TOM1L2: variants seen among roughly 807,000 people sequenced by gnomAD.
The protein encoded by TOM1L2 is target of myb1 like 2 membrane trafficking protein.
Under a neutral mutation model 67.9 loss-of-function variants are expected in TOM1L2, and 31 were observed. The ratio of observed to expected loss-of-function variants is 0.46; its 90% CI spans 0.34 to 0.62. The LOEUF is 0.62. Ranked by LOEUF, TOM1L2 falls within the 20% of genes least tolerant of loss-of-function variation. The pLI is 0.01. For missense variants in TOM1L2, 606 were observed against 663.5 expected, an observed-to-expected ratio of 0.91 and a Z score of 0.95; for synonymous variants, 256 against 254.0, an observed-to-expected ratio of 1.01 and a Z score of -0.07.
At chr17:17,903,921 G>T (rs58936409) in intron 2 of TOM1L2, among the ~76,000 whole-genome samples, 3,666 of 152,132 alleles carry the variant, frequency 0.024, 132 homozygotes, top group African/African-American at 0.073. Flanking sequence ...CTTCAGGGAG[G>T]GCACAAAGGG....
chr17:17,922,613 A>G (rs1026091627), intron 1 of TOM1L2, among the ~76,000 whole-genome samples: 13 of 152,176 alleles, frequency 8.5e-5, no homozygotes, highest in African/African-American at 2.4e-4. Flanking sequence ...GACCTAGGAC[A>G]CATTTCTCAC....
chr17:17,898,545 G>A (rs1229441662), intron 3 of TOM1L2, 51 bp downstream of exon 3: 1 of 1,597,256 alleles, frequency 6.3e-7, no homozygotes, highest in Non-Finnish European at 8.6e-7. Flanking sequence ...GCAAGGCCAG[G>A]AGCAAGGAGT....
At chr17:17,869,252 CTCTT>C (rs1208473000) in intron 8 of TOM1L2, 84 bp downstream of exon 8, 1 of 1,583,730 alleles carries the variant, frequency 6.3e-7, no homozygotes, top group Non-Finnish European at 8.5e-7. Context: ...CCCTCTCCCT[CTCTT>C]TCCTTTGTTT....
chr17:17,904,607 C>T (rs984097257), intron 2 of TOM1L2, among the ~76,000 whole-genome samples: 3 of 152,048 alleles, frequency 2.0e-5, no homozygotes, highest in South Asian at 2.1e-4. Context: ...GCAACTTGGT[C>T]GTTGTGCAGC....
chr17:17,947,224 A>C (rs2040990930), intron 1 of TOM1L2, among the ~76,000 whole-genome samples: 1 of 151,680 alleles, frequency 6.6e-6, no homozygotes. Flanking sequence ...GGGTCTCACT[A>C]TATTGCCCAT....
At chr17:17,861,686 T>C in intron 11 of TOM1L2, 135 bp from the exon 12 acceptor site, 1 of 748,100 alleles carries the variant, frequency 1.3e-6, no homozygotes, top group African/African-American at 1.7e-5. Flanking sequence ...CCTGAAACCT[T>C]GACATTGAGC....
chr17:17,960,095 T>A (rs2041623254), intron 1 of TOM1L2, among the ~76,000 whole-genome samples: 1 of 152,210 alleles, frequency 6.6e-6, no homozygotes, highest in African/African-American at 2.4e-5. Flanking sequence ...TACACTGAGT[T>A]ACAGGAGGAA....
At chr17:17,890,412 T>C (rs2038215546) in intron 4 of TOM1L2, among the ~76,000 whole-genome samples, 1 of 152,222 alleles carries the variant, frequency 6.6e-6, no homozygotes, top group South Asian at 2.1e-4. Flanking sequence ...TTCAACTTAA[T>C]ATATTCCCAT....
At chr17:17,851,772 G>A (rs2035992161) in intron 12 of TOM1L2, among the ~76,000 whole-genome samples, 1 of 152,186 alleles carries the variant, frequency 6.6e-6, no homozygotes, top group Non-Finnish European at 1.5e-5. Flanking sequence ...AAGAAACCAA[G>A]TTCAGCTGAG....
At chr17:17,919,332 C>T (rs1199914548) in intron 1 of TOM1L2, among the ~76,000 whole-genome samples, 6 of 152,286 alleles carry the variant, frequency 3.9e-5, no homozygotes, top group African/African-American at 1.4e-4. Flanking sequence ...CCTCCCCTTG[C>T]ACCCCCCTCC....
intron 12 of TOM1L2, among the ~76,000 whole-genome samples, chr17:17,860,861 T>G (rs112148928): frequency 2.6e-4 from 39 of 152,314 alleles, no homozygotes; most frequent in African/African-American, 9.1e-4. Flanking sequence ...TTCCCTCCAC[T>G]TCACTGTGCC....
chr17:17,898,885 G>T (rs1256796212), intron 2 of TOM1L2, among the ~76,000 whole-genome samples: 1 of 152,198 alleles, frequency 6.6e-6, no homozygotes, highest in Admixed American at 6.5e-5. Context: ...CTGCAAAAAA[G>T]AATAAAGAAA....
intron 4 of TOM1L2, among the ~76,000 whole-genome samples, chr17:17,886,464 G>T (rs911712150): frequency 2.6e-5 from 4 of 152,212 alleles, no homozygotes; most frequent in Non-Finnish European, 5.9e-5. Context: ...CTCTGGCCCC[G>T]CCCCCACCAG....
intron 1 of TOM1L2, among the ~76,000 whole-genome samples, chr17:17,969,623 A>G (rs1299290644): frequency 6.6e-6 from 1 of 152,164 alleles, no homozygotes; most frequent in Non-Finnish European, 1.5e-5. Flanking sequence ...TTAGTCAAGC[A>G]TCTTATGAGC....
chr17:17,893,840 C>T, intron 3 of TOM1L2, 30 bp from the exon 4 acceptor site: 1 of 1,606,366 alleles, frequency 6.2e-7, no homozygotes, highest in African/African-American at 1.3e-5. Flanking sequence ...AAAAGGGTCA[C>T]CCCAGTGGGA....
At chr17:17,945,029 A>G (rs1056671514) in intron 1 of TOM1L2, among the ~76,000 whole-genome samples, 10 of 152,204 alleles carry the variant, frequency 6.6e-5, no homozygotes, top group Non-Finnish European at 1.5e-4. Context: ...TCCGGGGCCA[A>G]TGGAAATGTA....
At chr17:17,889,439 T>C (rs2038162228) in intron 4 of TOM1L2, among the ~76,000 whole-genome samples, 1 of 152,168 alleles carries the variant, frequency 6.6e-6, no homozygotes, top group African/African-American at 2.4e-5. Context: ...AGGGGGACTT[T>C]GGAAAAGCTA....
chr17:17,936,201 TCA>T (rs1384005413), intron 1 of TOM1L2, among the ~76,000 whole-genome samples: 2 of 152,312 alleles, frequency 1.3e-5, no homozygotes, highest in Admixed American at 6.5e-5. Context: ...CTCTGGGTTT[TCA>T]CACATTCTGT....
intron 2 of TOM1L2, among the ~76,000 whole-genome samples, chr17:17,902,339 C>T (rs1042184351): frequency 2.0e-5 from 3 of 152,170 alleles, no homozygotes; most frequent in Admixed American, 6.5e-5. Context: ...AGAGGCCTTT[C>T]GGGCAGTTTA....
Sources: allele counts gnomAD v4.1 joint callset (sites outside exome capture counted in the v4.1 genomes callset), GRCh38; gene constraint gnomAD v4.1.1; transcripts MANE v1.5; gene names NCBI Gene and HGNC (gene_info 2026-07-23, HGNC 2026-07-21).